AK5: variants seen among roughly 807,000 people sequenced by gnomAD.
AK5 encodes adenylate kinase 5.
AK5 carries 27 observed loss-of-function variants against 69.5 expected under a neutral mutation model. The observed-to-expected ratio is 0.39, with a 90% CI of 0.29 to 0.54. The LOEUF (loss-of-function observed/expected upper bound fraction) is 0.54. Ranked by LOEUF, AK5 falls within the 20% of genes least tolerant of loss-of-function variation. The probability of loss-of-function intolerance (pLI) is 0.71; values close to 1 mark genes in which losing one functional copy is unlikely to be tolerated. For synonymous variants in AK5, 260 were observed against 244.4 expected (o/e 1.06, Z -0.60); for missense variants, 531 against 700.4 (o/e 0.76, Z 2.73).
At chr1:77,554,549 T>C (rs548090136) in intron 13 of AK5, among the ~76,000 whole-genome samples, 2 of 152,308 alleles carry the variant, frequency 1.3e-5, no homozygotes, top group East Asian at 1.9e-4. Flanking sequence ...CATACAGGGC[T>C]CTTTGCCTTG....
intron 6 of AK5, among the ~76,000 whole-genome samples, chr1:77,381,124 G>T (rs7554922): frequency 6.6e-6 from 1 of 152,040 alleles, no homozygotes; most frequent in African/African-American, 2.4e-5. Flanking sequence ...AACCTAGCAT[G>T]TAATGGAATT....
intron 6 of AK5, among the ~76,000 whole-genome samples, chr1:77,355,442 T>G (rs1261526221): frequency 6.6e-6 from 1 of 152,146 alleles, no homozygotes; most frequent in Non-Finnish European, 1.5e-5. Flanking sequence ...ATAGGAAACT[T>G]CAGTTATCTC....
chr1:77,287,955 T>C (rs905158228), intron 2 of AK5, among the ~76,000 whole-genome samples: 3 of 149,762 alleles, frequency 2.0e-5, no homozygotes, highest in Non-Finnish European at 4.5e-5. Flanking sequence ...TAGGTTGCAG[T>C]TTGTCCACAA....
At chr1:77,289,431 C>T (rs1425646059) in intron 2 of AK5, among the ~76,000 whole-genome samples, 1 of 152,060 alleles carries the variant, frequency 6.6e-6, no homozygotes, top group Non-Finnish European at 1.5e-5. Flanking sequence ...AAATACATAC[C>T]CCATACTTTT....
At chr1:77,322,589 T>C (rs556620336) in intron 5 of AK5, among the ~76,000 whole-genome samples, 1 of 152,308 alleles carries the variant, frequency 6.6e-6, no homozygotes, top group South Asian at 2.1e-4. Context: ...AAACGGTCTT[T>C]GAACTAAAAA....
intron 8 of AK5, among the ~76,000 whole-genome samples, chr1:77,434,107 C>CATAA (rs144552494): frequency 0.022 from 3,103 of 143,538 alleles, 50 homozygotes; most frequent in African/African-American, 0.036. Context: ...GAGTGCAAAG[C>CATAA]ATAAATAAAT....
chr1:77,505,856 C>T (rs1259788388), intron 10 of AK5, among the ~76,000 whole-genome samples: 1 of 151,718 alleles, frequency 6.6e-6, no homozygotes, highest in Non-Finnish European at 1.5e-5. Context: ...GAGCCAAGAT[C>T]GGCAGCCTGG....
intron 8 of AK5, among the ~76,000 whole-genome samples, chr1:77,470,856 TATATATATATATATATATA>T (rs1396360043): frequency 0.084 from 1,695 of 20,078 alleles, 116 homozygotes; most frequent in East Asian, 0.18. Context: ...TATATATATA[TATATATATATATATATATA>T]TTTTTTTTTT....
chr1:77,373,741 A>C (rs6659799), intron 6 of AK5, among the ~76,000 whole-genome samples: 13,336 of 152,122 alleles, frequency 0.088, 656 homozygotes, highest in Middle Eastern at 0.11. Context: ...AGAAAAAAAA[A>C]AAACAAAAAA....
chr1:77,389,512 G>T (rs1337030353), intron 6 of AK5, among the ~76,000 whole-genome samples: 3 of 152,120 alleles, frequency 2.0e-5, no homozygotes, highest in Admixed American at 6.5e-5. Context: ...AGGAGGAGAA[G>T]ATGACTGCAG....
At chr1:77,367,711 G>C (rs1382978258) in intron 6 of AK5, among the ~76,000 whole-genome samples, 1 of 42,694 alleles carries the variant, frequency 2.3e-5, no homozygotes, top group African/African-American at 9.0e-5. Context: ...TTATATATAT[G>C]TTATATATAA....
chr1:77,540,634 G>A (rs1477949725), intron 13 of AK5: 3 of 152,180 alleles, frequency 2.0e-5, no homozygotes, highest in South Asian at 2.1e-4. Context: ...GGGGGATGGC[G>A]GGGGGAATAT....
At chr1:77,282,629 C>T in intron 1 of AK5, 1 of 1,250,438 alleles carries the variant, frequency 8.0e-7, no homozygotes, top group South Asian at 2.4e-5. Context: ...CTGAAAGCAG[C>T]CTGCTCCCAT....
chr1:77,495,709 G>A (rs1049579687), intron 10 of AK5, among the ~76,000 whole-genome samples: 1 of 152,164 alleles, frequency 6.6e-6, no homozygotes, highest in African/African-American at 2.4e-5. Flanking sequence ...TGCTGAGTGG[G>A]TCTGAGGGAA....
At chr1:77,532,886 T>TTGAAGACTAACCACAGTCCGG (rs1189094219) in intron 12 of AK5, among the ~76,000 whole-genome samples, 12 of 152,256 alleles carry the variant, frequency 7.9e-5, no homozygotes, top group Non-Finnish European at 1.3e-4. Context: ...TTACTTGATG[T>TTGAAGACTAACCACAGTCCGG]TGAAGACTAA....
At chr1:77,523,676 T>G (rs928243714) in intron 12 of AK5, among the ~76,000 whole-genome samples, 1 of 152,164 alleles carries the variant, frequency 6.6e-6, no homozygotes, top group South Asian at 2.1e-4. Context: ...TTTATTTTAT[T>G]TATTTTTATT....
chr1:77,447,317 G>A (rs1439252750), intron 8 of AK5, among the ~76,000 whole-genome samples: 1 of 152,194 alleles, frequency 6.6e-6, no homozygotes. Context: ...ATTAAACAGT[G>A]TCAGTATATC....
At chr1:77,510,580 A>G (rs1657284783) in intron 10 of AK5, among the ~76,000 whole-genome samples, 1 of 151,618 alleles carries the variant, frequency 6.6e-6, no homozygotes, top group Non-Finnish European at 1.5e-5. Context: ...ACGCAATGGT[A>G]GAAATATTTT....
intron 10 of AK5, among the ~76,000 whole-genome samples, chr1:77,495,355 T>C (rs115255043): frequency 2.0e-3 from 299 of 152,344 alleles, no homozygotes; most frequent in Admixed American, 3.3e-3. Context: ...CATAATTATT[T>C]GAATAAGTAC....
Sources: gnomAD v4.1 joint callset for allele counts (sites outside exome capture counted in the v4.1 genomes callset) on GRCh38, gnomAD v4.1.1 for gene constraint, MANE v1.5 for transcripts, NCBI Gene and HGNC (gene_info 2026-07-23, HGNC 2026-07-21) for gene names.